Variants in MMP26 observed in about 807,000 individuals in gnomAD.
MMP26 encodes matrix metalloproteinase-26.
MMP26 carries 33 observed loss-of-function variants against 31.0 expected under a neutral mutation model. The ratio of observed to expected loss-of-function variants is 1.06; its 90% CI spans 0.81 to 1.42. The LOEUF (loss-of-function observed/expected upper bound fraction) is 1.42, where lower values mean the gene tolerates loss of function less well. Among genes scored for constraint, MMP26 ranks in the 40% most tolerant of loss-of-function variants. The probability of loss-of-function intolerance (pLI) is 0.00; values close to 1 mark genes in which losing one functional copy is unlikely to be tolerated. For synonymous variants in MMP26, 122 were observed against 114.9 expected, an observed-to-expected ratio of 1.06 and a Z score of -0.40; for missense variants, 347 against 316.1, an observed-to-expected ratio of 1.10 and a Z score of -0.74.
chr11:4,922,339 C>T (rs975997780), intron 2 of MMP26, among the ~76,000 whole-genome samples: 2 of 151,316 alleles, frequency 1.3e-5, no homozygotes, highest in African/African-American at 2.4e-5. Context: ...TTAAAACCCT[C>T]TCCTTCTCAT....
chr11:4,718,987 G>T lies in MMP26; in HGVS notation c.-217+13942G>T, dbSNP rs118074973. 1.8e-4 allele frequency: 32 copies of T among 182,302 alleles called. No individual in the cohort carries two copies. In the East Asian group the frequency reaches 5.3e-3, roughly 30 times the overall value. The allele number at this position is 182,302 out of a possible 1,614,324, so 11.3% of individuals were successfully genotyped here. On this transcript the variant is annotated intron_variant, in intron 1 of 7. Transcript: ENST00000380390. ...GTTGGCCATGGCTTTTGATCGTTTT[G>T]TGGCCATTACTAATCCTCTTAGATA... is the stretch of plus-strand genomic sequence containing the variant.
At chr11:4,768,962 A>C (rs774461027) in intron 2 of MMP26, 1 of 1,478,080 alleles carries the variant, frequency 6.8e-7, no homozygotes, top group South Asian at 1.5e-5. Context: ...GTTTGTATCA[A>C]ATAAAACTAT....
At chr11:4,812,305 A>G (rs910326961) in intron 2 of MMP26, among the ~76,000 whole-genome samples, 2 of 152,174 alleles carry the variant, frequency 1.3e-5, no homozygotes, top group Non-Finnish European at 2.9e-5. Context: ...TTACATAGAC[A>G]TATATAATGC....
At chr11:4,891,741 T>C (rs1398831775) in intron 2 of MMP26, among the ~76,000 whole-genome samples, 1 of 152,138 alleles carries the variant, frequency 6.6e-6, no homozygotes, top group African/African-American at 2.4e-5. Flanking sequence ...TCTTTGAGGA[T>C]GGGAGGAAAG....
intron 2 of MMP26, among the ~76,000 whole-genome samples, chr11:4,967,559 G>A (rs1846613150): frequency 6.6e-6 from 1 of 152,140 alleles, no homozygotes; most frequent in Non-Finnish European, 1.5e-5. Context: ...CTACCAGAAA[G>A]GGAACTTCTT....
In MMP26 at chr11:4,848,794, G is replaced by A. The variant is rs376602346; in HGVS notation, c.-145+81453G>A. The A allele has an allele frequency of 3.7e-6, 6 of 1,614,032 alleles. No individual in the cohort carries two copies. In the African/African-American group the frequency reaches 5.3e-5, roughly 14 times the overall value. The stretch of plus-strand genomic sequence containing the variant: ...CCATTGGTGAGGAGCGCTGGGTAGT[G>A]GAGAGGTCGGCAGATGGCCAGTGCC... On this transcript the variant is annotated intron_variant, in intron 2 of 7. Coordinates refer to ENST00000380390, the MANE Select transcript of MMP26 (RefSeq NM_021801.5).
intron 2 of MMP26, among the ~76,000 whole-genome samples, chr11:4,972,570 A>C (rs1846679494): frequency 6.6e-6 from 1 of 152,226 alleles, no homozygotes; most frequent in Non-Finnish European, 1.5e-5. Context: ...GCTGAAAATA[A>C]GTACTTTAAA....
intron 1 of MMP26, among the ~76,000 whole-genome samples, chr11:4,725,239 A>G (rs1435881630): frequency 1.3e-5 from 2 of 152,204 alleles, no homozygotes; most frequent in South Asian, 4.1e-4. Flanking sequence ...ACCCAGTCTC[A>G]GGTATTTATA....
intron 2 of MMP26, among the ~76,000 whole-genome samples, chr11:4,863,357 T>C (rs947977507): frequency 1.3e-5 from 2 of 152,130 alleles, no homozygotes; most frequent in African/African-American, 4.8e-5. Flanking sequence ...ATCTTTATTT[T>C]ATGCCTAGCC....
chr11:4,739,591 A>G (rs1237972017), intron 1 of MMP26, among the ~76,000 whole-genome samples: 6 of 151,898 alleles, frequency 4.0e-5, no homozygotes, highest in Admixed American at 3.9e-4. Flanking sequence ...TATGGAGAAT[A>G]TACTCATGCA....
intron 2 of MMP26, among the ~76,000 whole-genome samples, chr11:4,925,701 G>T (rs1407598842): frequency 6.6e-6 from 1 of 150,680 alleles, no homozygotes; most frequent in Non-Finnish European, 1.5e-5. Flanking sequence ...ACAGAGAATG[G>T]AGAATCAGAG....
chr11:4,840,186 G>T (rs1176044652), intron 2 of MMP26, among the ~76,000 whole-genome samples: 1 of 152,166 alleles, frequency 6.6e-6, no homozygotes, highest in Non-Finnish European at 1.5e-5. Flanking sequence ...GACTTCTAAG[G>T]CTTTTGACCC....
intron 2 of MMP26, among the ~76,000 whole-genome samples, chr11:4,810,529 A>T (rs760710850): frequency 1.3e-5 from 2 of 152,226 alleles, no homozygotes; most frequent in African/African-American, 2.4e-5. Context: ...GCCTAGCTAC[A>T]TACCTGGCAG....
chr11:4,791,604 A>G (rs1278074384), intron 2 of MMP26, among the ~76,000 whole-genome samples: 1 of 152,116 alleles, frequency 6.6e-6, no homozygotes, highest in Non-Finnish European at 1.5e-5. Context: ...TACCTTTACC[A>G]GCTTTTGCTC....
At chr11:4,922,093 C>T (rs916328977) in intron 2 of MMP26, among the ~76,000 whole-genome samples, 8 of 152,180 alleles carry the variant, frequency 5.3e-5, no homozygotes, top group South Asian at 2.1e-4. Context: ...TAAGGGAGAA[C>T]ATGCAGTATT....
chr11:4,745,073 T>C (rs1848362258), intron 1 of MMP26, among the ~76,000 whole-genome samples: 1 of 152,318 alleles, frequency 6.6e-6, no homozygotes, highest in Admixed American at 6.5e-5. Flanking sequence ...CTATGACTTA[T>C]TAAAATTCGA....
chr11:4,810,174 G>C (rs11033998), intron 2 of MMP26, among the ~76,000 whole-genome samples: 62,994 of 151,776 alleles, frequency 0.42, 14,352 homozygotes, highest in South Asian at 0.57. Flanking sequence ...GGATTTGAAT[G>C]CTTGTGCAAA....
At chr11:4,821,722 G>A (rs1032184848) in intron 2 of MMP26, 1 of 1,613,958 alleles carries the variant, frequency 6.2e-7, no homozygotes, top group South Asian at 1.1e-5. Flanking sequence ...TGCCTGCATT[G>A]CCCAGATGTT....
At chr11:4,776,584 C>A (rs1392185864) in intron 2 of MMP26, among the ~76,000 whole-genome samples, 1 of 152,060 alleles carries the variant, frequency 6.6e-6, no homozygotes. Flanking sequence ...AATCTCATTT[C>A]AAATTGTAAT....
Sources: allele counts gnomAD v4.1 joint callset (sites outside exome capture counted in the v4.1 genomes callset), GRCh38; gene constraint gnomAD v4.1.1; transcripts MANE v1.5; gene names NCBI Gene and HGNC (gene_info 2026-07-23, HGNC 2026-07-21).